Variants in SEL1L3 observed in about 807,000 individuals in gnomAD.
The protein encoded by SEL1L3 is SEL1L family member 3.
Under a neutral mutation model 142.8 loss-of-function variants are expected in SEL1L3, and 76 were observed. The ratio of observed to expected loss-of-function variants is 0.53; its 90% confidence interval spans 0.44 to 0.64. The LOEUF is 0.64. Among genes scored for constraint, SEL1L3 ranks in the 30% least tolerant of loss-of-function variants. The pLI is 0.00. For missense variants in SEL1L3, 1,262 were observed against 1,381.7 expected (o/e 0.91, Z 1.37); for synonymous variants, 504 against 519.6 (o/e 0.97, Z 0.41).
chr4:25,757,113 C>T (rs1018523823), intron 23 of SEL1L3, among the ~76,000 whole-genome samples: 1 of 151,876 alleles, frequency 6.6e-6, no homozygotes, highest in South Asian at 2.1e-4. Flanking sequence ...ACTAAAAATA[C>T]AAAAATTAGC....
chr4:25,754,441 G>A (rs995162688), intron 23 of SEL1L3, among the ~76,000 whole-genome samples: 8 of 150,860 alleles, frequency 5.3e-5, no homozygotes, highest in South Asian at 2.1e-4. Context: ...CTCCGTCTCC[G>A]GGGTTCAAGC....
At chr4:25,837,317 T>C (rs992103368) in intron 2 of SEL1L3, among the ~76,000 whole-genome samples, 3 of 144,214 alleles carry the variant, frequency 2.1e-5, no homozygotes, top group African/African-American at 7.9e-5. Context: ...TGATGGCTGT[T>C]GAGTGATCTA....
At chr4:25,753,849 T>C (rs1408871159) in intron 23 of SEL1L3, among the ~76,000 whole-genome samples, 1 of 151,706 alleles carries the variant, frequency 6.6e-6, no homozygotes, top group African/African-American at 2.4e-5. Context: ...CTGGGGGTGG[T>C]GGCGTGCACC....
intron 6 of SEL1L3, among the ~76,000 whole-genome samples, chr4:25,823,386 G>T (rs59580587): frequency 6.6e-6 from 1 of 151,844 alleles, no homozygotes; most frequent in South Asian, 2.1e-4. Flanking sequence ...GTGGTGGTGC[G>T]TGCCTGTAAT....
At chr4:25,757,820 T>G (rs1473196193) in intron 21 of SEL1L3, 30 bp from the exon 22 acceptor site, 1 of 1,526,970 alleles carries the variant, frequency 6.5e-7, no homozygotes, top group South Asian at 1.2e-5. Context: ...CATCTTGACG[T>G]GTCAGCCAAC....
At chr4:25,722,623 G>GTTTTTTTTTTT in the SEL1L3 span, among the ~76,000 whole-genome samples, 6 of 125,102 alleles carry the variant, frequency 4.8e-5, no homozygotes, top group Middle Eastern at 3.8e-3. Context: ...TCCAAAGGAG[G>GTTTTTTTTTTT]CTTTTTTTTT....
chr4:25,721,563 C>T, the SEL1L3 span, among the ~76,000 whole-genome samples: 89 of 152,242 alleles, frequency 5.8e-4, no homozygotes, highest in African/African-American at 2.0e-3. Context: ...TCAGAATTGC[C>T]CTTGCCTTAA....
chr4:25,774,420 C>A (rs895419174), intron 17 of SEL1L3, among the ~76,000 whole-genome samples: 1 of 152,156 alleles, frequency 6.6e-6, no homozygotes, highest in African/African-American at 2.4e-5. Context: ...CCCAACCAAC[C>A]AACCAACCAA....
intron 9 of SEL1L3, among the ~76,000 whole-genome samples, chr4:25,807,783 A>G (rs566521577): frequency 6.6e-6 from 1 of 152,280 alleles, no homozygotes; most frequent in East Asian, 1.9e-4. Flanking sequence ...GGTAGCTGAG[A>G]TTGCTGGAGA....
Position 25,825,049 on chromosome 4 carries a change from T to C in SEL1L3, c.1158-2921A>G, listed in dbSNP as rs566377394. Among the ~76,000 whole-genome samples, 569 of 152,312 alleles carry C rather than the reference T, an allele frequency of 3.7e-3. 9 individuals carry two copies. Among genetic ancestry groups the C allele is most frequent in the African/African-American group, 0.013 (548 of 41,558 alleles). On this transcript the variant is annotated intron_variant, in intron 6 of 23. Coordinates refer to ENST00000399878, the MANE Select transcript of SEL1L3 (RefSeq NM_015187.5). ...TTTGTACTCAAAAGAAGGCCCTCTC[T>C]AGAAAGATTGGCAAATGAATATATA...
the SEL1L3 span, among the ~76,000 whole-genome samples, chr4:25,724,246 C>G: frequency 1.3e-5 from 2 of 151,794 alleles, no homozygotes; most frequent in African/African-American, 4.8e-5. Flanking sequence ...TGGTGAGAAC[C>G]CATCTCTACA....
intron 6 of SEL1L3, among the ~76,000 whole-genome samples, chr4:25,827,279 C>T (rs969542262): frequency 2.6e-5 from 4 of 152,076 alleles, no homozygotes; most frequent in Non-Finnish European, 4.4e-5. Context: ...ATAGGGTGAT[C>T]GCAGACATAA....
intron 11 of SEL1L3, among the ~76,000 whole-genome samples, chr4:25,799,302 T>C (rs1334126117): frequency 6.6e-6 from 1 of 152,168 alleles, no homozygotes; most frequent in Non-Finnish European, 1.5e-5. Flanking sequence ...CTTAAACTCC[T>C]GACCTCAAGT....
Position 25,784,301 on chromosome 4 carries a change from A to G in SEL1L3, c.2218-11T>C, listed in dbSNP as rs1276821978. 2 of 1,609,814 alleles carry G rather than the reference A, an allele frequency of 1.2e-6. No individual in the cohort carries two copies. The highest frequency in any genetic ancestry group is 1.7e-6 in the Non-Finnish European group (2 of 1,176,156). ...TTTTACTCCTTGACCCTAAACATTGATAAACAGCGATGATTACAAAGAAAA... is the reference window on the plus strand; with the variant it reads ...TTTTACTCCTTGACCCTAAACATTGGTAAACAGCGATGATTACAAAGAAAA... On this transcript the variant is annotated splice_polypyrimidine_tract_variant and intron_variant, in intron 13 of 23. Transcript: ENST00000399878.
chr4:25,755,791 T>C (rs1717918484), intron 23 of SEL1L3: 2 of 836,904 alleles, frequency 2.4e-6, no homozygotes, highest in African/African-American at 3.7e-5. Context: ...CAAAGACAAA[T>C]TTCAGCTCCT....
intron 23 of SEL1L3, among the ~76,000 whole-genome samples, chr4:25,754,913 G>A (rs1480003359): frequency 2.6e-5 from 4 of 151,108 alleles, no homozygotes; most frequent in African/African-American, 9.8e-5. Context: ...GTGTGTAGAT[G>A]GGTTAATTAT....
chr4:25,767,815 C>T lies in SEL1L3; in HGVS notation c.2685G>A (p.Leu895=), dbSNP rs1179378825. 1.3e-6 allele frequency: 2 copies of T among 1,564,368 alleles called. No homozygotes were observed. Among genetic ancestry groups the T allele is most frequent in the South Asian group, 1.2e-5 (1 of 85,034 alleles). Residue 895 remains leucine (L), a synonymous_variant, in exon 18 of 24, where the codon CTG becomes CTA. Coordinates refer to ENST00000399878, the MANE Select transcript of SEL1L3 (RefSeq NM_015187.5). ...YLEGSWHEAL[L]YYVLAAETGI... ...CAGTTTCTGCTGCTAAAACATAATA[C>T]AGCAAAGCTTCATGCCTAAAAATAG...
chr4:25,752,404 G>A (rs10033588), intron 23 of SEL1L3, among the ~76,000 whole-genome samples: 37,151 of 139,848 alleles, frequency 0.27, 5,066 homozygotes, highest in African/African-American at 0.32. Context: ...GCAATAGGGT[G>A]AGACTCCATC....
At chr4:25,846,296 G>A (rs1716506645) in intron 2 of SEL1L3, among the ~76,000 whole-genome samples, 1 of 152,208 alleles carries the variant, frequency 6.6e-6, no homozygotes, top group East Asian at 1.9e-4. Flanking sequence ...TCCTGCTGAG[G>A]CTGTGACCAT....
Sources: gnomAD v4.1 joint callset for allele counts (sites outside exome capture counted in the v4.1 genomes callset) on GRCh38, gnomAD v4.1.1 for gene constraint, MANE v1.5 for transcripts, NCBI Gene and HGNC (gene_info 2026-07-23, HGNC 2026-07-21) for gene names.